The following ANKS1B variants were observed in gnomAD, a reference collection of about 807,000 sequenced individuals.
ANKS1B encodes ankyrin repeat and sterile alpha motif domain containing 1B.
A neutral mutation model predicts 148.3 loss-of-function variants in ANKS1B; 36 were observed. The observed-to-expected ratio is 0.24, with a 90% confidence interval of 0.19 to 0.32. The LOEUF (loss-of-function observed/expected upper bound fraction) is 0.32, where lower values mean the gene tolerates loss of function less well. ANKS1B is among the 10% of genes least tolerant of loss of function. ANKS1B has a pLI of 1.00. For synonymous variants in ANKS1B, 542 were observed against 560.8 expected, an observed-to-expected ratio of 0.97 and a Z score of 0.47; for missense variants, 1,157 against 1,542.6, an observed-to-expected ratio of 0.75 and a Z score of 4.19.
At chr12:99,827,230 T>A (rs952510354) in intron 1 of ANKS1B, among the ~76,000 whole-genome samples, 11 of 152,060 alleles carry the variant, frequency 7.2e-5, no homozygotes, top group Non-Finnish European at 1.3e-4. Context: ...TAAAAAAGAA[T>A]TATATCTAAA....
chr12:99,791,112 C>T (rs1317211067), intron 4 of ANKS1B, among the ~76,000 whole-genome samples: 2 of 151,680 alleles, frequency 1.3e-5, no homozygotes, highest in African/African-American at 4.8e-5. Flanking sequence ...ACCAAAAAAC[C>T]ACAAGAGTAG....
At chr12:99,826,651 T>G (rs894139478) in intron 1 of ANKS1B, among the ~76,000 whole-genome samples, 1 of 152,172 alleles carries the variant, frequency 6.6e-6, no homozygotes, top group African/African-American at 2.4e-5. Context: ...TGACTCCTAG[T>G]TTGCAGACGT....
intron 14 of ANKS1B, among the ~76,000 whole-genome samples, chr12:99,212,203 G>C (rs1385963895): frequency 1.3e-5 from 2 of 152,130 alleles, no homozygotes; most frequent in African/African-American, 4.8e-5. Context: ...ACCTTCACTA[G>C]GGTTATCGCC....
chr12:98,957,211 G>C (rs2099863674), intron 17 of ANKS1B, among the ~76,000 whole-genome samples: 2 of 152,012 alleles, frequency 1.3e-5, no homozygotes, highest in African/African-American at 4.8e-5. Context: ...ATGCTCCTTG[G>C]GCTCCACAAG....
intron 12 of ANKS1B, among the ~76,000 whole-genome samples, chr12:99,310,633 C>G (rs2083007566): frequency 6.6e-6 from 1 of 152,144 alleles, no homozygotes; most frequent in Admixed American, 6.6e-5. Context: ...ATCACTGGCT[C>G]TCACGGTTTT....
chr12:98,957,308 TA>T (rs1312614608), intron 17 of ANKS1B, among the ~76,000 whole-genome samples: 3 of 142,486 alleles, frequency 2.1e-5, no homozygotes, highest in African/African-American at 8.0e-5. Flanking sequence ...GGATTTTTTT[TA>T]AATATTTATT....
At chr12:99,620,218 T>G (rs962877641) in intron 9 of ANKS1B, among the ~76,000 whole-genome samples, 3 of 152,032 alleles carry the variant, frequency 2.0e-5, no homozygotes, top group Admixed American at 6.6e-5. Flanking sequence ...TTGAAAATAA[T>G]ATTACAGAGA....
chr12:99,140,335 TATTTG>T (rs2070224359), intron 15 of ANKS1B, among the ~76,000 whole-genome samples: 1 of 152,212 alleles, frequency 6.6e-6, no homozygotes, highest in African/African-American at 2.4e-5. Flanking sequence ...CCTTTAAAGT[TATTTG>T]ATTTAAGGTC....
intron 9 of ANKS1B, among the ~76,000 whole-genome samples, chr12:99,639,386 T>C (rs2098278356): frequency 6.6e-6 from 1 of 152,202 alleles, no homozygotes; most frequent in Admixed American, 6.5e-5. Flanking sequence ...CTTTGGACTG[T>C]GGACTTTTGA....
chr12:99,925,881 C>T (rs1248593817), intron 1 of ANKS1B, among the ~76,000 whole-genome samples: 3 of 152,144 alleles, frequency 2.0e-5, no homozygotes, highest in African/African-American at 7.2e-5. Flanking sequence ...TGAAACATTA[C>T]CCATCTAACA....
chr12:99,841,873 G>A (rs2085801775), intron 1 of ANKS1B, among the ~76,000 whole-genome samples: 1 of 151,394 alleles, frequency 6.6e-6, no homozygotes, highest in Non-Finnish European at 1.5e-5. Flanking sequence ...TTCTCTCCTT[G>A]GTTAGTCTAG....
chr12:99,169,861 CCTAA>C (rs1268936283), intron 14 of ANKS1B, among the ~76,000 whole-genome samples: 2 of 151,932 alleles, frequency 1.3e-5, no homozygotes, highest in Non-Finnish European at 2.9e-5. Context: ...GGCTCCAGAG[CCTAA>C]CTAAGCTTTC....
chr12:98,917,721 T>C (rs1249760397), intron 17 of ANKS1B, among the ~76,000 whole-genome samples: 1 of 152,174 alleles, frequency 6.6e-6, no homozygotes, highest in Non-Finnish European at 1.5e-5. Context: ...AGCCCTTATC[T>C]GGGGACCACT....
chr12:99,555,649 G>C (rs546915515), intron 9 of ANKS1B, among the ~76,000 whole-genome samples: 1 of 152,106 alleles, frequency 6.6e-6, no homozygotes, highest in Non-Finnish European at 1.5e-5. Context: ...TAACATGAAA[G>C]GAGGTTGAAT....
intron 17 of ANKS1B, among the ~76,000 whole-genome samples, chr12:98,840,047 T>C (rs1005163787): frequency 2.6e-5 from 4 of 152,160 alleles, no homozygotes; most frequent in African/African-American, 4.8e-5. Context: ...AAAGGTGATC[T>C]CTAAGATCTC....
intron 1 of ANKS1B, among the ~76,000 whole-genome samples, chr12:99,836,452 T>C (rs777337398): frequency 1.3e-5 from 2 of 152,136 alleles, no homozygotes; most frequent in African/African-American, 4.8e-5. Flanking sequence ...TGATGAATAA[T>C]GTGCACCTTG....
intron 9 of ANKS1B, among the ~76,000 whole-genome samples, chr12:99,566,291 T>G (rs2097393193): frequency 6.6e-6 from 1 of 152,208 alleles, no homozygotes; most frequent in African/African-American, 2.4e-5. Flanking sequence ...TGAAATCTCC[T>G]TAGCACTACA....
At chr12:99,330,342 C>T (rs1298346477) in intron 12 of ANKS1B, among the ~76,000 whole-genome samples, 3 of 151,894 alleles carry the variant, frequency 2.0e-5, no homozygotes, top group Non-Finnish European at 2.9e-5. Context: ...ATATCCAGTA[C>T]ATAAGAGAAA....
chr12:98,832,030 C>T lies in ANKS1B; in HGVS notation c.2885G>A (p.Arg962Lys), dbSNP rs1362718495. The change falls in exon 18 of 27, where the codon AGG (arginine) becomes AAG (lysine). Residue 962 changes from arginine to lysine, a missense_variant and splice_region_variant. Arg to Lys is a conservative substitution (Grantham distance 26, BLOSUM62 2). Around this residue, in one of 6 missense-constraint regions of ANKS1B, gnomAD observed 258 missense variants for 497.0 expected, o/e 0.52. Transcript: ENST00000683438. ...PQKPPRSITL[R>K]EPSGNHTPPQ... ...CAGATGAATGTGCTTGGCACTTACC[C>T]TGAGGGTGATGGACCGAGGGGGCTT... 6.3e-7 allele frequency: 1 copy of T among 1,585,724 alleles called. No individual in the cohort carries two copies. The highest frequency in any genetic ancestry group is 8.6e-7 in the Non-Finnish European group (1 of 1,165,276).
Sources: gnomAD v4.1 joint callset for allele counts (sites outside exome capture counted in the v4.1 genomes callset) on GRCh38, gnomAD v4.1.1 for gene constraint, gnomAD v4.1.1 regional missense constraint, MANE v1.5 for transcripts, NCBI Gene and HGNC (gene_info 2026-07-23, HGNC 2026-07-21) for gene names.